The following CDH4 variants were observed in gnomAD, a reference collection of about 807,000 sequenced individuals.
CDH4 encodes cadherin 4.
In CDH4, 33 loss-of-function variants were observed where a neutral mutation model predicts 86.0. That is an observed-to-expected ratio of 0.38 (90% CI 0.29 to 0.51). The LOEUF (loss-of-function observed/expected upper bound fraction) is 0.51. CDH4 is among the 20% of genes least tolerant of loss of function. The pLI, the probability that CDH4 is intolerant of heterozygous loss-of-function variation, is 0.86. For missense variants in CDH4, 1,114 were observed against 1,307.4 expected (o/e 0.85, Z 2.28); for synonymous variants, 555 against 549.4 (o/e 1.01, Z -0.14).
At position 61,709,779 on chromosome 20, in the gene CDH4, G is replaced by A. The variant is rs1258913957; in HGVS notation, c.170-33784G>A. On this transcript the variant is annotated intron_variant, in intron 2 of 15. Transcript: ENST00000614565. The surrounding 1 kb of genome is among the most constrained non-coding windows in gnomAD (Gnocchi z 4.8). ...AGCCCAAAATAGCAGGATGGAGCGG[G>A]AGGTAGAGGTTCTTTCTTCTTGTTT... Among the ~76,000 whole-genome samples, 1 of 152,132 alleles carries A rather than the reference G, an allele frequency of 6.6e-6. No homozygotes were observed. The highest frequency in any genetic ancestry group is 1.5e-5 in the Non-Finnish European group (1 of 68,038).
At chr20:61,303,515 C>G (rs539709599) in intron 2 of CDH4, among the ~76,000 whole-genome samples, 1 of 152,338 alleles carries the variant, frequency 6.6e-6, no homozygotes, top group African/African-American at 2.4e-5. Flanking sequence ...CTCATCCTCA[C>G]CCTCCTGCTT....
intron 2 of CDH4, among the ~76,000 whole-genome samples, chr20:61,657,897 G>A (rs1238719276): frequency 1.3e-5 from 2 of 152,224 alleles, no homozygotes; most frequent in Admixed American, 1.3e-4. Context: ...CCGGGCCTGG[G>A]AAGGACACAT....
rs535205249 is a variant in CDH4 at position 61,895,855 on chromosome 20, C to T, written c.1188+808C>T. ...GTGTGACACGGTGTCCCCAGGCTGT[C>T]ATTTTGGGCCCCGTGTGGCAGTGCT... On this transcript the variant is annotated intron_variant, in intron 8 of 15. Transcript: ENST00000614565. Among the ~76,000 whole-genome samples, 7 of 152,298 alleles carry T rather than the reference C, an allele frequency of 4.6e-5. No homozygotes were observed. In the South Asian group the frequency reaches 6.2e-4, roughly 14 times the overall value.
intron 2 of CDH4, among the ~76,000 whole-genome samples, chr20:61,654,229 C>G (rs375914634): frequency 2.6e-5 from 4 of 152,322 alleles, no homozygotes; most frequent in East Asian, 3.9e-4. Context: ...TGGAGACCAG[C>G]CCGGCCAACA....
chr20:61,844,786 C>T lies in CDH4; in HGVS notation c.695C>T (p.Thr232Ile), dbSNP rs780098008. The T allele has an allele frequency of 6.2e-7, 1 of 1,613,898 alleles. No homozygotes were observed. ...IDSMSGRMYV[T>I]RPMDREEHAS... ...TCCATGTCCGGCCGGATGTACGTCA[C>T]AAGGCCCATGGACCGGGAGGAGCAC... Residue 232 changes from threonine (T) to isoleucine (I), a missense_variant, in exon 5 of 16, where the codon ACA becomes ATA. Around this residue, in one of 3 missense-constraint regions of CDH4, gnomAD observed 705 missense variants for 914.1 expected, o/e 0.77. Coordinates refer to ENST00000614565, the MANE Select transcript of CDH4 (RefSeq NM_001794.5).
chr20:61,375,473 G>T (rs1174750685), intron 2 of CDH4, among the ~76,000 whole-genome samples: 2 of 151,562 alleles, frequency 1.3e-5, no homozygotes, highest in African/African-American at 4.9e-5. Flanking sequence ...GTGATGGTGT[G>T]GTTTATTGAT....
In CDH4 at chr20:61,444,192, G is replaced by T. The variant is rs1003657703; in HGVS notation, c.169+189255G>T. On this transcript the variant is annotated intron_variant, in intron 2 of 15. Coordinates refer to ENST00000614565, the MANE Select transcript of CDH4 (RefSeq NM_001794.5). ...TGTGTGTCTTTGTGGATCTCTCTATGTGGGTGTCTGTGTATCTGTATATGG... is the reference window on the plus strand; with the variant it reads ...TGTGTGTCTTTGTGGATCTCTCTATTTGGGTGTCTGTGTATCTGTATATGG... 1.4e-4 allele frequency among the ~76,000 whole-genome samples: 12 copies of T among 84,180 alleles called. No individual in the cohort carries two copies. The East Asian group carries it at 4.3e-3, about 30-fold the overall frequency. The allele number at this position is 84,180 out of a possible 152,430, so 55.2% of individuals were successfully genotyped here. A position where few individuals can be genotyped will look rare whatever the true frequency, so the allele number is the denominator to read the frequency against.
intron 2 of CDH4, among the ~76,000 whole-genome samples, chr20:61,722,881 A>G (rs1449962335): frequency 6.6e-6 from 1 of 152,078 alleles, no homozygotes; most frequent in African/African-American, 2.4e-5. Flanking sequence ...AAGAAGAGAG[A>G]AGACGTTCCT....
intron 2 of CDH4, among the ~76,000 whole-genome samples, chr20:61,283,634 T>A (rs1210698673): frequency 6.6e-6 from 1 of 152,164 alleles, no homozygotes; most frequent in Non-Finnish European, 1.5e-5. Context: ...CTGTGGTGTG[T>A]GTGTGGTGAG....
At chr20:61,833,442 G>A (rs1981719792) in intron 4 of CDH4, among the ~76,000 whole-genome samples, 1 of 151,936 alleles carries the variant, frequency 6.6e-6, no homozygotes, top group African/African-American at 2.4e-5. Context: ...TAGTATTCCG[G>A]CATTATTACT....
At chr20:61,382,567 A>G (rs928355650) in intron 2 of CDH4, among the ~76,000 whole-genome samples, 14 of 152,226 alleles carry the variant, frequency 9.2e-5, no homozygotes, top group Non-Finnish European at 2.1e-4. Flanking sequence ...TAGGGGACTT[A>G]AAACCACAGG....
chr20:61,662,379 T>C (rs955180044), intron 2 of CDH4, among the ~76,000 whole-genome samples: 2 of 152,230 alleles, frequency 1.3e-5, no homozygotes, highest in Non-Finnish European at 2.9e-5. Flanking sequence ...CAGGTTGTGC[T>C]GTCCAATTAA....
chr20:61,557,614 G>A (rs1475625891), intron 2 of CDH4, among the ~76,000 whole-genome samples: 1 of 152,198 alleles, frequency 6.6e-6, no homozygotes, highest in Admixed American at 6.5e-5. Flanking sequence ...AAACTCATGA[G>A]TGAAAATGCC....
rs2086774040 is a variant in CDH4, at chr20:61,621,155, C to T, written c.170-122408C>T. On this transcript the variant is annotated intron_variant, in intron 2 of 15. Transcript: ENST00000614565. ...AGGTGAGCATTGTGAACTGAGATTT[C>T]TGTAGAAAGCTGACCATCAGGCGGA... is the stretch of plus-strand genomic sequence containing the variant. Among the ~76,000 whole-genome samples the T allele has an allele frequency of 2.6e-5, 4 of 152,224 alleles. No individual in the cohort carries two copies. The South Asian group carries it at 8.3e-4, about 32-fold the overall frequency.
At chr20:61,275,193 T>C (rs1160447561) in intron 2 of CDH4, among the ~76,000 whole-genome samples, 1 of 129,196 alleles carries the variant, frequency 7.7e-6, no homozygotes, top group Non-Finnish European at 1.6e-5. Context: ...CCATGTGCAG[T>C]TTGGGGGAGT....
Position 61,910,553 on chromosome 20 carries a change from C to T in CDH4, c.1320C>T (p.His440=). ...YRIISGDPSG[H]FSVRTDPVTN... ...TCATCAGTGGGGATCCATCCGGGCA[C>T]TTCAGCGTCCGCACAGACCCCGTAA... The change falls in exon 9 of 16, where the codon CAC becomes CAT. Residue 440 remains histidine (H), a synonymous_variant. Coordinates refer to ENST00000614565, the MANE Select transcript of CDH4 (RefSeq NM_001794.5). 1 of 1,613,948 alleles carries T rather than the reference C, an allele frequency of 6.2e-7. No homozygotes were observed. The highest frequency in any genetic ancestry group is 8.5e-7 in the Non-Finnish European group (1 of 1,180,032).
At chr20:61,897,511 C>A (rs1420208244) in intron 8 of CDH4, among the ~76,000 whole-genome samples, 2 of 152,102 alleles carry the variant, frequency 1.3e-5, no homozygotes, top group African/African-American at 4.8e-5. Flanking sequence ...CAGCACTAAC[C>A]AACACTGACC....
chr20:61,457,444 G>A (rs1356363580), intron 2 of CDH4, among the ~76,000 whole-genome samples: 1 of 152,240 alleles, frequency 6.6e-6, no homozygotes, highest in Non-Finnish European at 1.5e-5. Flanking sequence ...AAATTTGGTG[G>A]TGACTGTGAT....
chr20:61,912,121 G>A (rs909275368), intron 9 of CDH4, among the ~76,000 whole-genome samples: 4 of 152,098 alleles, frequency 2.6e-5, no homozygotes, highest in Admixed American at 6.5e-5. Flanking sequence ...TTTTACAGGC[G>A]GTAGGAAATC....
Sources: gnomAD v4.1 joint callset for allele counts (sites outside exome capture counted in the v4.1 genomes callset) on GRCh38, gnomAD v4.1.1 for gene constraint, gnomAD v4.1.1 regional missense constraint, Gnocchi (gnomAD v3.1) non-coding constraint, MANE v1.5 for transcripts, NCBI Gene and HGNC (gene_info 2026-07-23, HGNC 2026-07-21) for gene names.